Variants in TCF4 observed in about 807,000 individuals in gnomAD.
TCF4 encodes the protein transcription factor 4.
A neutral mutation model predicts 82.1 loss-of-function variants in TCF4; 3 were observed. That is an observed-to-expected ratio of 0.04 (90% CI 0.02 to 0.09). TCF4 has a LOEUF of 0.09. Among genes scored for constraint, TCF4 ranks in the 10% least tolerant of loss-of-function variants. TCF4 has a pLI of 1.00. For missense variants in TCF4, 518 were observed against 852.7 expected (o/e 0.61, Z 4.89); for synonymous variants, 276 against 309.6 (o/e 0.89, Z 1.14).
chr18:55,300,448 G>A (rs2067885852), intron 8 of TCF4, among the ~76,000 whole-genome samples: 1 of 151,898 alleles, frequency 6.6e-6, no homozygotes. Flanking sequence ...GGTAAGTGGG[G>A]GAGGGGCTGG....
At chr18:55,515,775 C>T (rs2096875398) in intron 3 of TCF4, among the ~76,000 whole-genome samples, 1 of 151,834 alleles carries the variant, frequency 6.6e-6, no homozygotes, top group African/African-American at 2.4e-5. Flanking sequence ...AAGGACAGAA[C>T]AAAATGAAGA....
chr18:55,602,083 A>C (rs2097697695), intron 2 of TCF4, among the ~76,000 whole-genome samples: 1 of 152,238 alleles, frequency 6.6e-6, no homozygotes, highest in African/African-American at 2.4e-5. Context: ...TGCCTACAAA[A>C]TATAGAAAAT....
At position 55,558,166 on chromosome 18, in the gene TCF4, C is replaced by A. The variant is rs114345755; in HGVS notation, c.145+27114G>T. On this transcript the variant is annotated intron_variant, in intron 3 of 19. Coordinates refer to ENST00000354452, the MANE Select transcript of TCF4 (RefSeq NM_001083962.2). Reference sequence around the variant, plus strand: ...GTTCGAGGCTGCAGTGAGCTAGGATCCTACTACTGTACTCCAGTCTGGCAA... The same window carrying A: ...GTTCGAGGCTGCAGTGAGCTAGGATACTACTACTGTACTCCAGTCTGGCAA... Among the ~76,000 whole-genome samples the A allele has an allele frequency of 6.3e-3, 955 of 152,160 alleles. 13 individuals carry two copies. Among genetic ancestry groups the A allele is most frequent in the African/African-American group, 0.022 (919 of 41,514 alleles).
At chr18:55,509,811 G>A (rs2096804936) in intron 3 of TCF4, among the ~76,000 whole-genome samples, 1 of 152,256 alleles carries the variant, frequency 6.6e-6, no homozygotes, top group African/African-American at 2.4e-5. Context: ...AAGGGAAAGG[G>A]GCGGGGGGAA....
chr18:55,470,588 T>C (rs1357559845), intron 3 of TCF4, among the ~76,000 whole-genome samples: 2 of 152,212 alleles, frequency 1.3e-5, no homozygotes, highest in South Asian at 2.1e-4. Flanking sequence ...CTAAATACCA[T>C]GTAACTTTCA....
intron 3 of TCF4, among the ~76,000 whole-genome samples, chr18:55,577,726 C>A (rs887400995): frequency 7.9e-5 from 12 of 152,074 alleles, no homozygotes; most frequent in Non-Finnish European, 1.8e-4. Context: ...AAGTACCCCC[C>A]AAAAGAATGT....
At chr18:55,589,647 A>G (rs567867161), upstream of TCF4, 135 of 1,041,836 alleles carry the variant, frequency 1.3e-4, 2 homozygotes, top group East Asian at 7.8e-3. Flanking sequence ...CTTCTCTCAT[A>G]AAGTCTTAAA....
At chr18:55,413,135 A>G (rs1215587542) in intron 5 of TCF4, among the ~76,000 whole-genome samples, 1 of 152,044 alleles carries the variant, frequency 6.6e-6, no homozygotes, top group African/African-American at 2.4e-5. Context: ...ATGGGGGGGG[A>G]CATGACAATG....
chr18:55,494,295 G>GA (rs536407161), intron 3 of TCF4, among the ~76,000 whole-genome samples: 10,582 of 125,462 alleles, frequency 0.084, 834 homozygotes, highest in African/African-American at 0.22. Context: ...TTCTATTTGA[G>GA]AAAAAAAAAA....
At chr18:55,349,579 A>G (rs1041975115) in intron 8 of TCF4, among the ~76,000 whole-genome samples, 1 of 152,166 alleles carries the variant, frequency 6.6e-6, no homozygotes, top group African/African-American at 2.4e-5. Context: ...ATAAAGAAAC[A>G]AAGAAAGAAG....
At chr18:55,237,467 C>CTTTTTT (rs538071929) in intron 15 of TCF4, among the ~76,000 whole-genome samples, 1 of 122,672 alleles carries the variant, frequency 8.2e-6, no homozygotes. Flanking sequence ...GTTGTTCTGA[C>CTTTTTT]TTTTTTTTTT....
intron 3 of TCF4, among the ~76,000 whole-genome samples, chr18:55,568,337 A>C (rs1177137719): frequency 1.3e-5 from 2 of 151,670 alleles, no homozygotes; most frequent in Non-Finnish European, 2.9e-5. Context: ...TCATGAAAAA[A>C]AGAAGGAATA....
In TCF4 at chr18:55,365,639, C is replaced by T. The variant is rs550894147; in HGVS notation, c.370-14636G>A. Among the ~76,000 whole-genome samples the T allele has an allele frequency of 2.8e-4, 42 of 152,070 alleles. 1 individual carries two copies. The highest frequency in any genetic ancestry group is 5.7e-4 in the Non-Finnish European group (39 of 68,036). ...TTTTGGCTGGGCACAGTGGCTCATGCCTATGATCCCAGCACTTTGGGAGGC... is the reference window on the plus strand; with the variant it reads ...TTTTGGCTGGGCACAGTGGCTCATGTCTATGATCCCAGCACTTTGGGAGGC... On this transcript the variant is annotated intron_variant, in intron 6 of 19. Transcript: ENST00000354452.
intron 6 of TCF4, among the ~76,000 whole-genome samples, chr18:55,372,254 A>G (rs1219753671): frequency 1.3e-5 from 2 of 152,276 alleles, no homozygotes; most frequent in Admixed American, 1.3e-4. Context: ...AATTATTCTT[A>G]AAGATAAAAG....
At chr18:55,617,278 T>C (rs1276198030) in intron 2 of TCF4, among the ~76,000 whole-genome samples, 1 of 152,150 alleles carries the variant, frequency 6.6e-6, no homozygotes, top group Non-Finnish European at 1.5e-5. Flanking sequence ...CCAGGTTCTC[T>C]GTTCTATTGG....
intron 3 of TCF4, among the ~76,000 whole-genome samples, chr18:55,574,127 T>A (rs1034502486): frequency 6.6e-6 from 1 of 152,128 alleles, no homozygotes; most frequent in Non-Finnish European, 1.5e-5. Context: ...AATTTCAGAG[T>A]ACATTCCTAA....
intron 5 of TCF4, among the ~76,000 whole-genome samples, chr18:55,449,685 A>G (rs1227916308): frequency 1.3e-5 from 2 of 152,258 alleles, no homozygotes; most frequent in South Asian, 2.1e-4. Flanking sequence ...AGCCAAGCCA[A>G]TGCTGATAAT....
At chr18:55,572,892 A>G (rs1367488579) in intron 3 of TCF4, among the ~76,000 whole-genome samples, 1 of 152,100 alleles carries the variant, frequency 6.6e-6, no homozygotes, top group Non-Finnish European at 1.5e-5. Flanking sequence ...TGTCTCTACT[A>G]AAAATACAAA....
intron 3 of TCF4, among the ~76,000 whole-genome samples, chr18:55,580,822 C>G (rs1438440877): frequency 2.0e-5 from 3 of 150,510 alleles, no homozygotes; most frequent in Non-Finnish European, 4.4e-5. Context: ...GAGGTTAAAA[C>G]CTAATTTCAT....
Sources: allele counts gnomAD v4.1 joint callset (sites outside exome capture counted in the v4.1 genomes callset), GRCh38; gene constraint gnomAD v4.1.1; transcripts MANE v1.5; gene names NCBI Gene and HGNC (gene_info 2026-07-23, HGNC 2026-07-21).